Variants in PIR observed in about 807,000 individuals in gnomAD.
PIR encodes pirin, also known as pirin (iron-binding nuclear protein).
Under a neutral mutation model 24.2 loss-of-function variants are expected in PIR, and 22 were observed. The observed-to-expected ratio is 0.91, with a 90% CI of 0.65 to 1.30. PIR has a LOEUF of 1.30. Among genes scored for constraint, PIR ranks in the 50% most tolerant of loss-of-function variants. The pLI is 0.00. For missense variants in PIR, 220 were observed against 220.3 expected (o/e 1.00, Z 0.01); for synonymous variants, 80 against 79.6 (o/e 1.00, Z -0.03).
At chrX:15,406,993 C>G (rs1232586778) in intron 7 of PIR, among the ~76,000 whole-genome samples, 1 of 112,309 alleles carries the variant, frequency 8.9e-6, no homozygotes, top group Non-Finnish European at 1.9e-5. Context: ...CGTTCCTCAT[C>G]TATAAAATGA....
In PIR at chrX:15,459,705, A is replaced by G. The variant is rs758408940; in HGVS notation, c.225T>C (p.His75=). ...SYLLEGGSMA[H]EDFCGHTGKM... ...TACCAGTGTGTCCACAGAAGTCTTC[A>G]TGGGCCATGCTGCCCCCTTCCAGGA... is the stretch of plus-strand genomic sequence containing the variant. Residue 75 remains histidine (H), a synonymous_variant, in exon 4 of 10, where the codon CAT becomes CAC. Coordinates refer to ENST00000380420, the MANE Select transcript of PIR (RefSeq NM_001018109.3). 1.7e-4 allele frequency: 209 copies of G among 1,195,573 alleles called. No homozygotes were observed. Among genetic ancestry groups the G allele is most frequent in the Middle Eastern group, 4.6e-4 (2 of 4,343 alleles).
chrX:15,487,841 T>C (rs1301727162), intron 2 of PIR, among the ~76,000 whole-genome samples: 2 of 112,793 alleles, frequency 1.8e-5, no homozygotes, highest in African/African-American at 6.4e-5. Flanking sequence ...ATTCCTCTTC[T>C]ATCTCCACAT....
intron 3 of PIR, among the ~76,000 whole-genome samples, chrX:15,468,443 T>C (rs574453241): frequency 1.8e-5 from 2 of 112,884 alleles, no homozygotes; most frequent in East Asian, 5.5e-4. Flanking sequence ...AACACTTGTT[T>C]GCACATATGG....
intron 6 of PIR, among the ~76,000 whole-genome samples, chrX:15,412,315 A>C (rs1308995710): frequency 1.8e-5 from 2 of 111,979 alleles, no homozygotes; most frequent in Non-Finnish European, 3.8e-5. Context: ...ATTTTATAGA[A>C]TGCCTCTCAG....
Position 15,452,323 on chromosome X carries a change from A to C in PIR, c.480+3525T>G, listed in dbSNP as rs1920974002. Reference sequence around the variant, plus strand: ...TTTTGACCTTCCAAAAGTGACAGGAACTATTCAAACTATCCCATTTTAACC... The same window carrying C: ...TTTTGACCTTCCAAAAGTGACAGGACCTATTCAAACTATCCCATTTTAACC... On this transcript the variant is annotated intron_variant, in intron 5 of 9. Transcript: ENST00000380420. Among the ~76,000 whole-genome samples the C allele has an allele frequency of 2.7e-5, 3 of 111,819 alleles. No homozygotes were observed. The South Asian group carries it at 1.1e-3, about 42-fold the overall frequency.
rs185666007 is a variant in PIR at position 15,432,494 on chromosome X, T to C, written c.481-6504A>G. Among the ~76,000 whole-genome samples the C allele has an allele frequency of 5.4e-3, 600 of 111,780 alleles. 4 individuals are homozygous for C. Among genetic ancestry groups the C allele is most frequent in the African/African-American group, 0.018 (558 of 30,752 alleles). On this transcript the variant is annotated intron_variant, in intron 5 of 9. Transcript: ENST00000380420. ...AGAAGAGTTGAGGGTAAGAGATTTC[T>C]GGGCAGAAAAAAGAGAATAGCATGT...
chrX:15,490,453 G>C (rs980072276), intron 2 of PIR, among the ~76,000 whole-genome samples: 10 of 111,685 alleles, frequency 9.0e-5, no homozygotes, highest in Non-Finnish European at 1.7e-4. Flanking sequence ...AAAATGTTTT[G>C]GGGATCTGAT....
chrX:15,449,399 C>T (rs1369163022), intron 5 of PIR, among the ~76,000 whole-genome samples: 1 of 111,775 alleles, frequency 8.9e-6, no homozygotes, highest in African/African-American at 3.3e-5. Flanking sequence ...GGGAATTTCA[C>T]CAGAATTCAT....
intron 7 of PIR, among the ~76,000 whole-genome samples, chrX:15,398,668 G>A (rs184332848): frequency 1.3e-4 from 10 of 79,742 alleles, no homozygotes; most frequent in Admixed American, 3.0e-4. Context: ...TGAGGAGGGA[G>A]GGTGTGTGTG....
intron 6 of PIR, among the ~76,000 whole-genome samples, chrX:15,425,370 T>C (rs1322276686): frequency 9.1e-6 from 1 of 109,703 alleles, no homozygotes; most frequent in South Asian, 3.9e-4. Flanking sequence ...GGTCTGGCCC[T>C]AACATTCTGT....
chrX:15,448,730 T>C (rs911070336), intron 5 of PIR, among the ~76,000 whole-genome samples: 2 of 111,981 alleles, frequency 1.8e-5, no homozygotes, highest in Non-Finnish European at 3.8e-5. Context: ...ACTGCACTCT[T>C]ACTATCCAAG....
intron 5 of PIR, among the ~76,000 whole-genome samples, chrX:15,440,330 G>A (rs774726684): frequency 4.5e-4 from 50 of 110,283 alleles, no homozygotes; most frequent in Non-Finnish European, 8.5e-4. Context: ...TGCTTCTGGC[G>A]GCTACACCAT....
chrX:15,410,167 C>G (rs1924693557), intron 6 of PIR, among the ~76,000 whole-genome samples: 1 of 110,849 alleles, frequency 9.0e-6, no homozygotes, highest in South Asian at 3.8e-4. Flanking sequence ...AGGAAAATTG[C>G]TTGAACCTGG....
chrX:15,389,959 T>C, intron 9 of PIR: 1 of 248,447 alleles, frequency 4.0e-6, no homozygotes, highest in East Asian at 6.3e-5. Flanking sequence ...CTCAATATCC[T>C]ATACATAATA....
intron 6 of PIR, among the ~76,000 whole-genome samples, chrX:15,410,532 T>A (rs1450520876): frequency 8.9e-6 from 1 of 111,951 alleles, no homozygotes; most frequent in African/African-American, 3.2e-5. Flanking sequence ...ATCTCATTTC[T>A]CCTCCACCTG....
chrX:15,385,657 C>A (rs950729929), intron 9 of PIR, among the ~76,000 whole-genome samples: 15 of 112,012 alleles, frequency 1.3e-4, no homozygotes, highest in African/African-American at 4.9e-4. Flanking sequence ...TAAAAGTTTT[C>A]TAGGGGTTGG....
chrX:15,447,305 G>T (rs938434237), intron 5 of PIR, among the ~76,000 whole-genome samples: 1 of 95,980 alleles, frequency 1.0e-5, no homozygotes, highest in Non-Finnish European at 2.1e-5. Flanking sequence ...TGTTTGTTTG[G>T]TTTTTTGGTT....
intron 5 of PIR, among the ~76,000 whole-genome samples, chrX:15,433,287 A>G (rs781205186): frequency 7.2e-5 from 8 of 110,647 alleles, no homozygotes; most frequent in African/African-American, 2.3e-4. Flanking sequence ...CTGGCCAAGA[A>G]AACGGTGTCA....
intron 7 of PIR, among the ~76,000 whole-genome samples, chrX:15,405,450 G>A (rs1240556725): frequency 8.0e-5 from 9 of 112,055 alleles, no homozygotes; most frequent in African/African-American, 2.9e-4. Context: ...TATATGCCTT[G>A]CAAAGATGAA....
Sources: allele counts gnomAD v4.1 joint callset (sites outside exome capture counted in the v4.1 genomes callset), GRCh38; gene constraint gnomAD v4.1.1; transcripts MANE v1.5; gene names NCBI Gene and HGNC (gene_info 2026-07-23, HGNC 2026-07-21).